Variants in LY96 observed in about 807,000 individuals in gnomAD.
The protein encoded by LY96 is myeloid differentiation protein-2.
A neutral mutation model predicts 18.9 loss-of-function variants in LY96; 18 were observed. The observed-to-expected ratio is 0.95, with a 90% CI of 0.66 to 1.41. The LOEUF is 1.41. Among genes scored for constraint, LY96 ranks in the 40% most tolerant of loss-of-function variants. The probability of loss-of-function intolerance (pLI) is 0.00; values close to 1 mark genes in which losing one functional copy is unlikely to be tolerated. For synonymous variants in LY96, 66 were observed against 62.6 expected, an observed-to-expected ratio of 1.06 and a Z score of -0.26; for missense variants, 175 against 182.4, an observed-to-expected ratio of 0.96 and a Z score of 0.23.
At chr8:74,035,510 C>T in the LY96 span, among the ~76,000 whole-genome samples, 1 of 152,206 alleles carries the variant, frequency 6.6e-6, no homozygotes, top group Non-Finnish European at 1.5e-5. Context: ...CTCCAACCAT[C>T]TGAATGAACT....
the LY96 span, among the ~76,000 whole-genome samples, chr8:74,042,822 G>A: frequency 6.6e-6 from 1 of 151,466 alleles, no homozygotes; most frequent in Non-Finnish European, 1.5e-5. Flanking sequence ...CTCTTGCCAG[G>A]CTGGAGTGCA....
chr8:74,080,358 C>T, the LY96 span, among the ~76,000 whole-genome samples: 1 of 152,138 alleles, frequency 6.6e-6, no homozygotes, highest in Non-Finnish European at 1.5e-5. Context: ...GTTGAGGAAT[C>T]CTGGGAAAAG....
intron 1 of LY96, among the ~76,000 whole-genome samples, chr8:73,994,133 C>T (rs1816072491): frequency 2.0e-5 from 3 of 152,116 alleles, no homozygotes; most frequent in Admixed American, 2.0e-4. Context: ...TACAGATATG[C>T]ACCACCATGC....
At chr8:74,039,543 C>T in the LY96 span, among the ~76,000 whole-genome samples, 17 of 152,108 alleles carry the variant, frequency 1.1e-4, no homozygotes, top group East Asian at 2.9e-3. Context: ...AATGGCTGGG[C>T]GTGCTGATAT....
the LY96 span, among the ~76,000 whole-genome samples, chr8:74,095,982 T>C: frequency 8.5e-5 from 13 of 152,354 alleles, no homozygotes; most frequent in East Asian, 2.5e-3. Flanking sequence ...CCTTGCCTTC[T>C]TTCACATCTC....
At chr8:74,007,152 C>T (rs921232329) in intron 2 of LY96, among the ~76,000 whole-genome samples, 3 of 152,196 alleles carry the variant, frequency 2.0e-5, no homozygotes, top group Non-Finnish European at 2.9e-5. Flanking sequence ...CCATGACAGG[C>T]GGGAGTAGCC....
intron 1 of LY96, among the ~76,000 whole-genome samples, chr8:73,996,623 T>C (rs1324554260): frequency 6.6e-6 from 1 of 151,776 alleles, no homozygotes; most frequent in Non-Finnish European, 1.5e-5. Context: ...TTCACCATGT[T>C]GGTCAGGCTG....
At chr8:74,041,771 T>C in the LY96 span, among the ~76,000 whole-genome samples, 1 of 152,202 alleles carries the variant, frequency 6.6e-6, no homozygotes, top group Non-Finnish European at 1.5e-5. Flanking sequence ...TGTTTTCTGT[T>C]GTTTAAGATG....
chr8:74,044,721 A>AT, the LY96 span, among the ~76,000 whole-genome samples: 2 of 152,122 alleles, frequency 1.3e-5, no homozygotes, highest in Admixed American at 6.6e-5. Context: ...AAGATGAACA[A>AT]TTTTTTTTCT....
the LY96 span, among the ~76,000 whole-genome samples, chr8:74,074,969 A>T: frequency 6.6e-6 from 1 of 152,218 alleles, no homozygotes; most frequent in Non-Finnish European, 1.5e-5. Context: ...GAGCTGTTGG[A>T]TGAAATGTTC....
intron 3 of LY96, among the ~76,000 whole-genome samples, chr8:74,020,171 C>G (rs2131278641): frequency 6.6e-6 from 1 of 152,202 alleles, no homozygotes; most frequent in African/African-American, 2.4e-5. Context: ...TTGGAAAACC[C>G]CATCATCTCA....
chr8:74,072,921 A>G, the LY96 span, among the ~76,000 whole-genome samples: 2 of 152,150 alleles, frequency 1.3e-5, no homozygotes, highest in Non-Finnish European at 2.9e-5. Flanking sequence ...GCAGATATAT[A>G]TACACATATA....
the LY96 span, among the ~76,000 whole-genome samples, chr8:74,081,061 TTTCTTAC>T: frequency 7.8e-6 from 1 of 128,134 alleles, no homozygotes; most frequent in African/African-American, 3.9e-5. Flanking sequence ...TCTTTCTTTC[TTTCTTAC>T]TTTCTTTCTT....
the LY96 span, among the ~76,000 whole-genome samples, chr8:74,084,045 C>T: frequency 3.9e-3 from 580 of 150,072 alleles, 2 homozygotes; most frequent in African/African-American, 0.014. Context: ...TGTTTCGTTG[C>T]AATTTATTTG....
chr8:73,997,623 C>T (rs1816178088), intron 1 of LY96, among the ~76,000 whole-genome samples: 1 of 152,132 alleles, frequency 6.6e-6, no homozygotes, highest in South Asian at 2.1e-4. Flanking sequence ...TTAGGGGGTC[C>T]TTCCCACAAG....
intron 1 of LY96, among the ~76,000 whole-genome samples, chr8:74,001,721 C>T (rs1434044449): frequency 1.3e-5 from 2 of 151,950 alleles, no homozygotes; most frequent in Non-Finnish European, 2.9e-5. Context: ...TGGTAGTATA[C>T]ACCTGTAGTC....
the LY96 span, among the ~76,000 whole-genome samples, chr8:74,049,882 G>C: frequency 1.8e-3 from 279 of 152,300 alleles, no homozygotes; most frequent in Non-Finnish European, 3.0e-3. Context: ...GCCCGGCATC[G>C]TGGTGTGCAT....
At chr8:74,051,494 C>G in the LY96 span, among the ~76,000 whole-genome samples, 1 of 152,142 alleles carries the variant, frequency 6.6e-6, no homozygotes, top group Non-Finnish European at 1.5e-5. Context: ...TCATGCTTCT[C>G]TCTCATGATG....
At chr8:74,023,373 C>A (rs1309694681) in intron 3 of LY96, among the ~76,000 whole-genome samples, 1 of 152,188 alleles carries the variant, frequency 6.6e-6, no homozygotes, top group Non-Finnish European at 1.5e-5. Flanking sequence ...CCTGCCCCAC[C>A]CCGAAACAGG....
Sources: gnomAD v4.1 joint callset for allele counts (sites outside exome capture counted in the v4.1 genomes callset) on GRCh38, gnomAD v4.1.1 for gene constraint, MANE v1.5 for transcripts, NCBI Gene and HGNC (gene_info 2026-07-23, HGNC 2026-07-21) for gene names.